ZNF704: variants seen among roughly 807,000 people sequenced by gnomAD.
ZNF704 encodes the protein glucocorticoid induced gene 1.
In ZNF704, 10 loss-of-function variants were observed where a neutral mutation model predicts 44.7. The ratio of observed to expected loss-of-function variants is 0.22; its 90% CI spans 0.14 to 0.38. The LOEUF is 0.38. ZNF704 is among the 10% of genes least tolerant of loss of function. The pLI is 1.00. For missense variants in ZNF704, 390 were observed against 545.5 expected (o/e 0.71, Z 2.84); for synonymous variants, 211 against 207.6 (o/e 1.02, Z -0.14).
intron 2 of ZNF704, among the ~76,000 whole-genome samples, chr8:80,782,339 T>C (rs1807541356): frequency 6.6e-6 from 1 of 152,222 alleles, no homozygotes; most frequent in African/African-American, 2.4e-5. Flanking sequence ...GATTCAATTA[T>C]AAAAGCACAA....
At chr8:80,676,071 G>T (rs1487248179) in intron 4 of ZNF704, among the ~76,000 whole-genome samples, 1 of 152,202 alleles carries the variant, frequency 6.6e-6, no homozygotes, top group Non-Finnish European at 1.5e-5. Flanking sequence ...GACCAACTGT[G>T]TTGAACAAGG....
At chr8:80,642,309 G>A (rs972973307) in intron 8 of ZNF704, among the ~76,000 whole-genome samples, 1 of 152,080 alleles carries the variant, frequency 6.6e-6, no homozygotes, top group African/African-American at 2.4e-5. Context: ...TTCACTTAAA[G>A]GAAGCACTTT....
intron 2 of ZNF704, among the ~76,000 whole-genome samples, chr8:80,725,872 T>C (rs1806470721): frequency 6.6e-6 from 1 of 152,182 alleles, no homozygotes; most frequent in Admixed American, 6.5e-5. Context: ...CAGGAACAGC[T>C]TAAAAGTAAA....
upstream of ZNF704, among the ~76,000 whole-genome samples, chr8:80,877,635 G>T (rs534945875): frequency 6.6e-6 from 1 of 152,294 alleles, no homozygotes; most frequent in African/African-American, 2.4e-5. Flanking sequence ...TAAAGAAGGA[G>T]CCCCTCCAGA....
chr8:80,745,659 T>C (rs1029358216), intron 2 of ZNF704, among the ~76,000 whole-genome samples: 19 of 152,226 alleles, frequency 1.2e-4, no homozygotes, highest in African/African-American at 4.3e-4. Flanking sequence ...GGGATTACTA[T>C]ATATGAATGT....
chr8:80,770,725 G>A lies in ZNF704; in HGVS notation c.221+50649C>T, dbSNP rs367629169. Among the ~76,000 whole-genome samples the A allele has an allele frequency of 2.4e-4, 37 of 152,138 alleles. 1 individual carries two copies. The East Asian group carries it at 6.2e-3, about 25-fold the overall frequency. On this transcript the variant is annotated intron_variant, in intron 2 of 8. Coordinates refer to ENST00000327835, the MANE Select transcript of ZNF704 (RefSeq NM_001033723.3). ...GATAGAGTGCAATTTACAGTTTTTC[G>A]TTTTAGGGACTGTGGCTTTAGTGTC...
chr8:80,874,553 A>T lies in ZNF704; in HGVS notation c.-22+18T>A, dbSNP rs547746866. 1 of 147,724 alleles carries T rather than the reference A, an allele frequency of 6.8e-6. No homozygotes were observed. The highest frequency in any genetic ancestry group is 2.2e-4 in the South Asian group (1 of 4,630). The allele number at this position is 147,724 out of a possible 1,614,324, so 9.2% of individuals were successfully genotyped here. A position where few individuals can be genotyped will look rare whatever the true frequency, so the allele number is the denominator to read the frequency against. On this transcript the variant is annotated intron_variant, in intron 1 of 8. Transcript: ENST00000327835. This position sits in a 1 kb window ranked among gnomAD's most constrained non-coding sequence, Gnocchi z 4.4. ...CCCGCTCAGACAAAACCCGGACTGG[A>T]TTTTTTTTTTCTCTTACCCACAGTC...
chr8:80,669,674 C>A (rs952998815), intron 5 of ZNF704, among the ~76,000 whole-genome samples: 3 of 152,210 alleles, frequency 2.0e-5, no homozygotes. Context: ...GGAAAGGACT[C>A]CTCTGTGTCC....
At position 80,636,815 on chromosome 8, in the gene ZNF704, C is replaced by T. The variant is rs1229940094; in HGVS notation, c.*4551G>A. On this transcript the variant is annotated 3_prime_UTR_variant, in exon 9 of 9. Coordinates refer to ENST00000327835, the MANE Select transcript of ZNF704 (RefSeq NM_001033723.3). ...GAAGATGTGGTCGATAGCAATTCTA[C>T]AGGGTCATGAGAAAAAGCAGCACCT... The T allele has an allele frequency of 6.6e-6, 1 of 152,208 alleles. No individual in the cohort carries two copies. Among genetic ancestry groups the T allele is most frequent in the African/African-American group, 2.4e-5 (1 of 41,444 alleles). The allele number at this position is 152,208 out of a possible 1,614,324, so 9.4% of individuals were successfully genotyped here.
At chr8:80,789,828 C>T (rs1807674601) in intron 2 of ZNF704, among the ~76,000 whole-genome samples, 2 of 152,124 alleles carry the variant, frequency 1.3e-5, no homozygotes. Context: ...TAAGTACCTT[C>T]AAAGCTTCTG....
At chr8:80,752,026 G>A (rs1806952866) in intron 2 of ZNF704, among the ~76,000 whole-genome samples, 1 of 152,172 alleles carries the variant, frequency 6.6e-6, no homozygotes, top group Non-Finnish European at 1.5e-5. Context: ...TTACAGGTGT[G>A]AGCCACCATG....
chr8:80,815,917 A>C (rs943010433), intron 2 of ZNF704, among the ~76,000 whole-genome samples: 2 of 152,234 alleles, frequency 1.3e-5, no homozygotes, highest in African/African-American at 4.8e-5. Context: ...GTGAATGAAC[A>C]TAACTATGTT....
chr8:80,725,751 G>T (rs1430174301), intron 2 of ZNF704, among the ~76,000 whole-genome samples: 1 of 152,096 alleles, frequency 6.6e-6, no homozygotes, highest in African/African-American at 2.4e-5. Flanking sequence ...CTCCCTGGGG[G>T]CTTACTGTTA....
At chr8:80,738,458 C>T (rs1370247865) in intron 2 of ZNF704, among the ~76,000 whole-genome samples, 4 of 152,148 alleles carry the variant, frequency 2.6e-5, no homozygotes, top group Non-Finnish European at 5.9e-5. Context: ...TAAGGACTAT[C>T]GTTGTTCCTA....
At chr8:80,819,370 A>G (rs976390391) in intron 2 of ZNF704, among the ~76,000 whole-genome samples, 5 of 152,138 alleles carry the variant, frequency 3.3e-5, no homozygotes, top group Non-Finnish European at 7.4e-5. Flanking sequence ...GCTCCAAGTG[A>G]GGTGGAATTA....
At chr8:80,641,714 C>A (rs1817747084) in intron 8 of ZNF704, among the ~76,000 whole-genome samples, 1 of 152,072 alleles carries the variant, frequency 6.6e-6, no homozygotes, top group African/African-American at 2.4e-5. Context: ...TTAAAACACA[C>A]AAAAATTAGC....
chr8:80,722,248 A>AAAAAC (rs200783364), intron 2 of ZNF704, among the ~76,000 whole-genome samples: 8 of 151,942 alleles, frequency 5.3e-5, no homozygotes, highest in South Asian at 2.1e-4. Context: ...CCCACTCCAA[A>AAAAAC]AAAACAAAAC....
At chr8:80,873,481 C>G (rs542039245) in intron 1 of ZNF704, 1 of 151,798 alleles carries the variant, frequency 6.6e-6, no homozygotes, top group South Asian at 2.1e-4. Flanking sequence ...TGCCCCGGGG[C>G]CCGGGCCCGT....
rs1049399044 is a variant in ZNF704, at chr8:80,874,355, C to G, written c.-22+216G>C. On this transcript the variant is annotated intron_variant, in intron 1 of 8. Transcript: ENST00000327835. This position sits in a 1 kb window ranked among gnomAD's most constrained non-coding sequence, Gnocchi z 4.4. Reference sequence around the variant, plus strand: ...GCCGCCGCCGCCCGGGAGCCGCGGGCCGCGCTGCGCTCCATGCGGCCGGCG... The same window carrying G: ...GCCGCCGCCGCCCGGGAGCCGCGGGGCGCGCTGCGCTCCATGCGGCCGGCG... Among the ~76,000 whole-genome samples, 7 of 145,794 alleles carry G rather than the reference C, an allele frequency of 4.8e-5. No individual in the cohort carries two copies. The highest frequency in any genetic ancestry group is 1.7e-4 in the African/African-American group (7 of 40,758).
Sources: allele counts gnomAD v4.1 joint callset (sites outside exome capture counted in the v4.1 genomes callset), GRCh38; gene constraint gnomAD v4.1.1; non-coding constraint Gnocchi (gnomAD v3.1); transcripts MANE v1.5; gene names NCBI Gene and HGNC (gene_info 2026-07-23, HGNC 2026-07-21).